SGPL1: variants seen among roughly 807,000 people sequenced by gnomAD.
SGPL1 encodes the protein SP-lyase 1.
SGPL1 carries 37 observed loss-of-function variants against 68.9 expected under a neutral mutation model. The observed-to-expected ratio is 0.54, with a 90% confidence interval of 0.41 to 0.71. The LOEUF is 0.71. Ranked by LOEUF, SGPL1 falls within the 30% of genes least tolerant of loss-of-function variation. The pLI, the probability that SGPL1 is intolerant of heterozygous loss-of-function variation, is 0.00. For synonymous variants in SGPL1, 236 were observed against 248.5 expected (o/e 0.95, Z 0.47); for missense variants, 551 against 704.6 (o/e 0.78, Z 2.47).
At chr10:70,876,259 G>A (rs1846382637) in intron 13 of SGPL1, among the ~76,000 whole-genome samples, 1 of 152,266 alleles carries the variant, frequency 6.6e-6, no homozygotes, top group Non-Finnish European at 1.5e-5. Flanking sequence ...TTGAAGGAAT[G>A]GTGGTGGAAT....
intron 7 of SGPL1, among the ~76,000 whole-genome samples, chr10:70,860,826 A>G (rs1846039941): frequency 6.6e-6 from 1 of 152,206 alleles, no homozygotes; most frequent in African/African-American, 2.4e-5. Flanking sequence ...CATGATAGCT[A>G]AAAACTGGAA....
rs1215994544 is a variant in SGPL1 at position 70,859,399 on chromosome 10, C to G, written c.515C>G (p.Pro172Arg). 1 of 1,541,770 alleles carries G rather than the reference C, an allele frequency of 6.5e-7. No individual in the cohort carries two copies. Among genetic ancestry groups the G allele is most frequent in the Non-Finnish European group, 8.7e-7 (1 of 1,145,434 alleles). Residue 172 changes from proline (P) to arginine (R), a missense_variant, in exon 7 of 15, where the codon CCC becomes CGC. Coordinates refer to ENST00000373202, the MANE Select transcript of SGPL1 (RefSeq NM_003901.4). ...TATGGAGATTTTGCATGGAGTAACC[C>G]CCTGCATCCAGATATCTTCCCAGGA... is the stretch of plus-strand genomic sequence containing the variant. ...KAYGDFAWSN[P>R]LHPDIFPGLR...
At chr10:70,874,659 G>T (rs903768091) in intron 12 of SGPL1, among the ~76,000 whole-genome samples, 2 of 152,160 alleles carry the variant, frequency 1.3e-5, no homozygotes, top group Non-Finnish European at 2.9e-5. Flanking sequence ...GGAGGCAGAG[G>T]TTGCGGTGAG....
intron 7 of SGPL1, among the ~76,000 whole-genome samples, chr10:70,861,691 GCTAGAGTT>G (rs1420489073): frequency 6.6e-6 from 1 of 152,240 alleles, no homozygotes; most frequent in Non-Finnish European, 1.5e-5. Context: ...TTGCGGGCCA[GCTAGAGTT>G]CCCGGTGAGC....
chr10:70,869,295 A>G (rs1846247856), intron 8 of SGPL1: 2 of 152,260 alleles, frequency 1.3e-5, no homozygotes, highest in South Asian at 4.1e-4. Context: ...AGAAATGGGG[A>G]TTTTAGTTTC....
At chr10:70,876,739 G>A (rs574350788) in intron 14 of SGPL1, 78 bp downstream of exon 14, 22 of 1,330,602 alleles carry the variant, frequency 1.7e-5, no homozygotes, top group Admixed American at 1.6e-4. Flanking sequence ...CATATGACCC[G>A]GAGTCTGTTC....
chr10:70,858,796 C>T (rs1564627308), intron 6 of SGPL1, among the ~76,000 whole-genome samples: 1 of 152,214 alleles, frequency 6.6e-6, no homozygotes, highest in Non-Finnish European at 1.5e-5. Context: ...TCCTTCCCTT[C>T]CATCATTCCT....
intron 2 of SGPL1, among the ~76,000 whole-genome samples, chr10:70,826,500 TAAAAA>T (rs1845440771): frequency 6.6e-6 from 1 of 152,250 alleles, no homozygotes; most frequent in Non-Finnish European, 1.5e-5. Context: ...CCATTTTAAT[TAAAAA>T]TTATTTTGGA....
chr10:70,833,129 T>C (rs1160137993), intron 2 of SGPL1, among the ~76,000 whole-genome samples: 3 of 152,222 alleles, frequency 2.0e-5, no homozygotes, highest in South Asian at 2.1e-4. Flanking sequence ...ACATTTCATA[T>C]GTGTGTTCTT....
intron 5 of SGPL1, 37 bp downstream of exon 5, chr10:70,854,892 T>C: frequency 6.6e-7 from 1 of 1,512,448 alleles, no homozygotes; most frequent in Non-Finnish European, 8.8e-7. Context: ...TCTACTTCCT[T>C]AAAGAGACAG....
At chr10:70,865,546 T>A (rs1036634792) in intron 7 of SGPL1, among the ~76,000 whole-genome samples, 1 of 152,206 alleles carries the variant, frequency 6.6e-6, no homozygotes, top group East Asian at 1.9e-4. Flanking sequence ...TCTCCCCCAC[T>A]CCTCCCTTAG....
At chr10:70,820,919 T>C (rs184978381) in intron 2 of SGPL1, among the ~76,000 whole-genome samples, 34 of 152,342 alleles carry the variant, frequency 2.2e-4, no homozygotes, top group African/African-American at 7.2e-4. Context: ...ATATTTGTTA[T>C]AAAAAGAGGG....
intron 2 of SGPL1, among the ~76,000 whole-genome samples, chr10:70,827,187 ATTTATAAAGCTTAT>A (rs1320917359): frequency 6.6e-6 from 1 of 152,242 alleles, no homozygotes; most frequent in Non-Finnish European, 1.5e-5. Flanking sequence ...CAAACCTGAT[ATTTATAAAGCTTAT>A]TTTTTGACAA....
At chr10:70,870,685 T>C (rs1360093341) in intron 9 of SGPL1, among the ~76,000 whole-genome samples, 1 of 152,202 alleles carries the variant, frequency 6.6e-6, no homozygotes, top group Non-Finnish European at 1.5e-5. Context: ...GAAGCTGTTA[T>C]ATTATTGTAG....
chr10:70,845,578 G>C (rs1015289436), intron 3 of SGPL1, among the ~76,000 whole-genome samples: 2 of 152,026 alleles, frequency 1.3e-5, no homozygotes, highest in Non-Finnish European at 2.9e-5. Flanking sequence ...ATCTGCTTCT[G>C]AATCTTCCAC....
In SGPL1 at chr10:70,858,568, A is replaced by G. The variant is rs77970974; in HGVS notation, c.487-803A>G. ...ACTAAATAAATATGGCAGGTTTTGC[A>G]TAAGTTGGTGTAATGCTCTGATCTT... On this transcript the variant is annotated intron_variant, in intron 6 of 14. Transcript: ENST00000373202. 1.3e-3 allele frequency among the ~76,000 whole-genome samples: 202 copies of G among 152,300 alleles called. 2 individuals carry two copies. The highest frequency in any genetic ancestry group is 2.1e-3 in the Admixed American group (32 of 15,294).
intron 3 of SGPL1, among the ~76,000 whole-genome samples, chr10:70,849,314 G>C (rs1845839612): frequency 6.6e-6 from 1 of 152,130 alleles, no homozygotes; most frequent in Non-Finnish European, 1.5e-5. Flanking sequence ...GTCATTTGAT[G>C]AACTATTATA....
In SGPL1 at chr10:70,854,976, A is replaced by G. The variant is rs140881272; in HGVS notation, c.409+121A>G. On this transcript the variant is annotated intron_variant, in intron 5 of 14. Coordinates refer to ENST00000373202, the MANE Select transcript of SGPL1 (RefSeq NM_003901.4). ...GGTTAATACATGTTTAGGAGGGCCTACTCTCTGTTTCACAGGTTGAATTTC... is the reference window on the plus strand; with the variant it reads ...GGTTAATACATGTTTAGGAGGGCCTGCTCTCTGTTTCACAGGTTGAATTTC... 3.1e-4 allele frequency: 245 copies of G among 795,632 alleles called. 3 individuals carry two copies. In the East Asian group the frequency reaches 7.0e-3, roughly 23 times the overall value. The allele number at this position is 795,632 out of a possible 1,614,324, so 49.3% of individuals were successfully genotyped here. A position where few individuals can be genotyped will look rare whatever the true frequency, so the allele number is the denominator to read the frequency against.
chr10:70,859,191 T>A (rs1312849703), intron 6 of SGPL1, among the ~76,000 whole-genome samples, 180 bp from the exon 7 acceptor site: 1 of 152,254 alleles, frequency 6.6e-6, no homozygotes, highest in East Asian at 1.9e-4. Flanking sequence ...TGTAAAATTA[T>A]TTATTTACAT....
Sources: gnomAD v4.1 joint callset for allele counts (sites outside exome capture counted in the v4.1 genomes callset) on GRCh38, gnomAD v4.1.1 for gene constraint, MANE v1.5 for transcripts, NCBI Gene and HGNC (gene_info 2026-07-23, HGNC 2026-07-21) for gene names.